The following PLEK variants were observed in gnomAD, a reference collection of about 807,000 sequenced individuals.
The protein encoded by PLEK is platelet 47 kDa protein.
A neutral mutation model predicts 43.9 loss-of-function variants in PLEK; 25 were observed. The ratio of observed to expected loss-of-function variants is 0.57; its 90% confidence interval spans 0.41 to 0.79. PLEK has a LOEUF of 0.79. PLEK is among the 30% of genes least tolerant of loss of function. The pLI, the probability that PLEK is intolerant of heterozygous loss-of-function variation, is 0.00. For synonymous variants in PLEK, 152 were observed against 144.4 expected, an observed-to-expected ratio of 1.05 and a Z score of -0.38; for missense variants, 396 against 413.3, an observed-to-expected ratio of 0.96 and a Z score of 0.36.
chr2:68,376,708 T>C (rs1673509490), intron 1 of PLEK, among the ~76,000 whole-genome samples: 1 of 152,192 alleles, frequency 6.6e-6, no homozygotes, highest in Admixed American at 6.6e-5. Flanking sequence ...CAATGAGTAA[T>C]AATAACACCA....
At chr2:68,382,157 G>T (rs1297514012) in intron 3 of PLEK, among the ~76,000 whole-genome samples, 1 of 152,142 alleles carries the variant, frequency 6.6e-6, no homozygotes, top group Non-Finnish European at 1.5e-5. Flanking sequence ...GGGATATGAG[G>T]ATTGAGGGAC....
At chr2:68,384,326 G>A (rs371016858) in intron 4 of PLEK, among the ~76,000 whole-genome samples, 3 of 151,928 alleles carry the variant, frequency 2.0e-5, no homozygotes, top group African/African-American at 7.3e-5. Flanking sequence ...GGGTTCAAGC[G>A]TGATTCTCGT....
chr2:68,381,031 C>T, intron 3 of PLEK, 127 bp downstream of exon 3: 1 of 776,902 alleles, frequency 1.3e-6, no homozygotes, highest in South Asian at 1.7e-5. Flanking sequence ...AATACTGGCA[C>T]TTGGTGTACT....
intron 1 of PLEK, among the ~76,000 whole-genome samples, chr2:68,375,163 G>A (rs1673478441): frequency 6.6e-6 from 1 of 152,048 alleles, no homozygotes; most frequent in Non-Finnish European, 1.5e-5. Flanking sequence ...AGCTATGTTT[G>A]GTACTTCCAG....
chr2:68,369,915 T>C (rs1260332070), intron 1 of PLEK, among the ~76,000 whole-genome samples: 2 of 152,242 alleles, frequency 1.3e-5, no homozygotes, highest in Admixed American at 6.5e-5. Context: ...AGTTCACTTA[T>C]GTAAAAAATA....
At chr2:68,376,012 T>C (rs1368156766) in intron 1 of PLEK, among the ~76,000 whole-genome samples, 1 of 152,214 alleles carries the variant, frequency 6.6e-6, no homozygotes, top group Non-Finnish European at 1.5e-5. Flanking sequence ...AACTTAGCCA[T>C]GCCTGCACAC....
At chr2:68,389,853 G>T (rs1204348627) in intron 6 of PLEK, among the ~76,000 whole-genome samples, 2 of 152,168 alleles carry the variant, frequency 1.3e-5, no homozygotes, top group African/African-American at 2.4e-5. Flanking sequence ...ATATTCCTAT[G>T]TTCCTGGCTC....
intron 4 of PLEK, among the ~76,000 whole-genome samples, chr2:68,384,162 T>C (rs886393239): frequency 2.8e-4 from 10 of 36,342 alleles, no homozygotes; most frequent in Non-Finnish European, 5.2e-4. Context: ...TTGTTCTCCT[T>C]CTCCTTCTCC....
At chr2:68,383,501 G>GGCAGAGGATGA (rs1673674845) in intron 4 of PLEK, among the ~76,000 whole-genome samples, 1 of 152,132 alleles carries the variant, frequency 6.6e-6, no homozygotes, top group Non-Finnish European at 1.5e-5. Flanking sequence ...GATGGGCCAG[G>GGCAGAGGATGA]GCAGAGGATG....
chr2:68,393,726 A>G (rs983655693), intron 7 of PLEK, among the ~76,000 whole-genome samples: 11 of 152,186 alleles, frequency 7.2e-5, no homozygotes, highest in Non-Finnish European at 1.5e-4. Flanking sequence ...CGCTTGCAGC[A>G]CTGGGCTATT....
At chr2:68,378,955 C>A (rs1280503032) in intron 1 of PLEK, among the ~76,000 whole-genome samples, 7 of 151,814 alleles carry the variant, frequency 4.6e-5, no homozygotes, top group Admixed American at 4.6e-4. Flanking sequence ...CGGTGAAACC[C>A]CGTCTTTACT....
Position 68,395,822 on chromosome 2 carries a change from C to T in PLEK, c.*6C>T. 1 of 1,610,610 alleles carries T rather than the reference C, an allele frequency of 6.2e-7. No homozygotes were observed. Among genetic ancestry groups the T allele is most frequent in the South Asian group, 1.1e-5 (1 of 91,014 alleles). The stretch of plus-strand genomic sequence containing the variant: ...CCTCCCGAACTGGGAAGTAAAGAGA[C>T]TCCTGCATTCCTCCTCCCCTCCTGA... On this transcript the variant is annotated 3_prime_UTR_variant, in exon 9 of 9. Transcript: ENST00000234313.
chr2:68,390,184 G>A (rs180916307), intron 6 of PLEK, among the ~76,000 whole-genome samples: 10 of 152,342 alleles, frequency 6.6e-5, no homozygotes, highest in Admixed American at 6.5e-4. Flanking sequence ...TTGAACTTAT[G>A]TGTTTTCCTT....
chr2:68,377,069 C>T (rs1419272802), intron 1 of PLEK, among the ~76,000 whole-genome samples: 1 of 152,264 alleles, frequency 6.6e-6, no homozygotes, highest in Non-Finnish European at 1.5e-5. Context: ...TAATGATCTT[C>T]GGGTCCATCC....
chr2:68,389,734 G>A (rs1673822626), intron 6 of PLEK, among the ~76,000 whole-genome samples: 1 of 152,082 alleles, frequency 6.6e-6, no homozygotes, highest in South Asian at 2.1e-4. Flanking sequence ...GTGACCAGCT[G>A]GCTAGATTAA....
At position 68,396,813 on chromosome 2, in the gene PLEK, A is replaced by T. The variant is rs188756866; in HGVS notation, c.*997A>T. ...CAGCTGCAGCAAGTGGAGGGGCTGA[A>T]CTACTGGCCAGCTCACTGGATGATG... On this transcript the variant is annotated 3_prime_UTR_variant, in exon 9 of 9. Coordinates refer to ENST00000234313, the MANE Select transcript of PLEK (RefSeq NM_002664.3). 6.6e-6 allele frequency: 1 copy of T among 152,402 alleles called. No homozygotes were observed. The highest frequency in any genetic ancestry group is 2.4e-5 in the African/African-American group (1 of 41,578). The allele number at this position is 152,402 out of a possible 1,614,324, so 9.4% of individuals were successfully genotyped here. A position where few individuals can be genotyped will look rare whatever the true frequency, so the allele number is the denominator to read the frequency against.
intron 6 of PLEK, among the ~76,000 whole-genome samples, chr2:68,392,759 C>A (rs756741052): frequency 4.5e-4 from 68 of 152,300 alleles, no homozygotes; most frequent in Middle Eastern, 6.8e-3. Flanking sequence ...CTTTGGAATC[C>A]ATTATCTATA....
chr2:68,367,791 C>A (rs1573067116), intron 1 of PLEK, among the ~76,000 whole-genome samples: 1 of 152,182 alleles, frequency 6.6e-6, no homozygotes, highest in Non-Finnish European at 1.5e-5. Context: ...CCATAAAAAT[C>A]TTTGAAAAGG....
Position 68,394,319 on chromosome 2 carries a change from C to G in PLEK, c.916+143C>G, listed in dbSNP as rs561793714. On this transcript the variant is annotated intron_variant, in intron 8 of 8. Coordinates refer to ENST00000234313, the MANE Select transcript of PLEK (RefSeq NM_002664.3). ...AGGCATGGTGGCTCCCACCTGTAAT[C>G]CCGGCACTTTGGGAGGCCGAGGAGG... 1.2e-5 allele frequency: 8 copies of G among 668,334 alleles called. 1 individual carries two copies. The highest frequency in any genetic ancestry group is 1.1e-4 in the South Asian group (7 of 64,372). 41.4% of individuals were successfully genotyped at this position (668,334 alleles called of 1,614,324 possible).
Sources: gnomAD v4.1 joint callset for allele counts (sites outside exome capture counted in the v4.1 genomes callset) on GRCh38, gnomAD v4.1.1 for gene constraint, MANE v1.5 for transcripts, NCBI Gene and HGNC (gene_info 2026-07-23, HGNC 2026-07-21) for gene names.